The following C3orf33 variants were observed in gnomAD, a reference collection of about 807,000 sequenced individuals.
The protein encoded by C3orf33 is AP-1 activity suppressor.
C3orf33 carries 23 observed loss-of-function variants against 28.7 expected under a neutral mutation model. That is an observed-to-expected ratio of 0.80 (90% CI 0.58 to 1.13). The LOEUF (loss-of-function observed/expected upper bound fraction) is 1.13, where lower values mean the gene tolerates loss of function less well. Ranked by LOEUF, C3orf33 falls within the 50% of genes most tolerant of loss-of-function variation. C3orf33 has a pLI of 0.00. For synonymous variants in C3orf33, 119 were observed against 120.5 expected (o/e 0.99, Z 0.08); for missense variants, 327 against 353.4 (o/e 0.93, Z 0.60).
chr3:155,794,717 A>G (rs1446526038), intron 2 of C3orf33, among the ~76,000 whole-genome samples: 4 of 152,182 alleles, frequency 2.6e-5, no homozygotes, highest in Non-Finnish European at 5.9e-5. Context: ...GAAACTGCAG[A>G]AGAGCAGCAG....
intron 2 of C3orf33, among the ~76,000 whole-genome samples, chr3:155,788,807 A>G (rs901654938): frequency 1.3e-5 from 2 of 152,208 alleles, no homozygotes; most frequent in Admixed American, 6.5e-5. Flanking sequence ...TCAACAGAGT[A>G]CTACTGGATG....
intron 3 of C3orf33, among the ~76,000 whole-genome samples, chr3:155,775,321 C>G (rs1015699484): frequency 2.5e-4 from 38 of 152,210 alleles, no homozygotes; most frequent in African/African-American, 8.7e-4. Flanking sequence ...GAAACCCCAT[C>G]TCTACTAAAA....
At chr3:155,780,397 T>C (rs1346513956) in intron 2 of C3orf33, among the ~76,000 whole-genome samples, 5 of 152,246 alleles carry the variant, frequency 3.3e-5, no homozygotes, top group Admixed American at 3.3e-4. Flanking sequence ...TTGTGAAAAT[T>C]GTTTACCTCC....
At chr3:155,786,865 G>A (rs572821418) in intron 2 of C3orf33, among the ~76,000 whole-genome samples, 5 of 152,172 alleles carry the variant, frequency 3.3e-5, no homozygotes, top group African/African-American at 1.2e-4. Context: ...TTCCAGGATG[G>A]AATCATGAAG....
rs180836287 is a variant in C3orf33, at chr3:155,780,995, T to C, written c.175-5147A>G. Among the ~76,000 whole-genome samples the C allele has an allele frequency of 6.4e-3, 950 of 149,324 alleles. 9 individuals are homozygous for C. Among genetic ancestry groups the C allele is most frequent in the Non-Finnish European group, 9.6e-3 (648 of 67,492 alleles). On this transcript the variant is annotated intron_variant, in intron 2 of 4. Coordinates refer to ENST00000340171, the MANE Select transcript of C3orf33 (RefSeq NM_001308229.2). Reference sequence around the variant, plus strand: ...CCAGCAGCCTACCTCTAGACTTCTTTTTTTTTTTTTTTTGAGACGGAGTCT... The same window carrying C: ...CCAGCAGCCTACCTCTAGACTTCTTCTTTTTTTTTTTTTGAGACGGAGTCT...
chr3:155,773,901 T>C lies in C3orf33; in HGVS notation c.322+1800A>G, dbSNP rs78856409. 9.0e-3 allele frequency among the ~76,000 whole-genome samples: 1,367 copies of C among 152,304 alleles called. 34 individuals are homozygous for C. The highest frequency in any genetic ancestry group is 0.07 in the South Asian group (338 of 4,828). ...AAAGGCCATCCTTGGTAATCTCTCTTCAGGGAGCAACACTCATTAAAACTG... is the reference window on the plus strand; with the variant it reads ...AAAGGCCATCCTTGGTAATCTCTCTCCAGGGAGCAACACTCATTAAAACTG... On this transcript the variant is annotated intron_variant, in intron 3 of 4. Coordinates refer to ENST00000340171, the MANE Select transcript of C3orf33 (RefSeq NM_001308229.2).
intron 2 of C3orf33, among the ~76,000 whole-genome samples, chr3:155,796,161 C>T (rs1577436060): frequency 6.6e-6 from 1 of 151,530 alleles, no homozygotes; most frequent in African/African-American, 2.4e-5. Flanking sequence ...AAGATTGGAG[C>T]AAAAATAAAT....
intron 1 of C3orf33, chr3:155,805,678 TCGTG>T: frequency 2.2e-6 from 1 of 455,562 alleles, no homozygotes; most frequent in Non-Finnish European, 4.4e-6. Flanking sequence ...TGAGCTATGA[TCGTG>T]CCACTGCACT....
intron 1 of C3orf33, chr3:155,805,839 A>G: frequency 2.0e-6 from 1 of 503,498 alleles, no homozygotes; most frequent in Non-Finnish European, 3.6e-6. Flanking sequence ...GCTCTAATGG[A>G]CCAGGTGGCA....
At chr3:155,769,618 T>C (rs1750521226) in intron 3 of C3orf33, among the ~76,000 whole-genome samples, 1 of 152,136 alleles carries the variant, frequency 6.6e-6, no homozygotes. Flanking sequence ...TTATGTCAAA[T>C]CATTAGTACA....
chr3:155,763,559 G>A lies in C3orf33; in HGVS notation c.843C>T (p.Phe281=). Residue 281 remains phenylalanine (F), a synonymous_variant, in exon 5 of 5, where the codon TTC becomes TTT. Coordinates refer to ENST00000340171, the MANE Select transcript of C3orf33 (RefSeq NM_001308229.2). ...AGTTTATGCGACTTATAAGTTCTCT[G>A]AACTTCAGTATTAAGGAGCAGTTGT... ...NMNNCSLILK[F]RELISRINFR... is the part of the protein sequence containing the mutation. 6.5e-7 allele frequency: 1 copy of A among 1,544,576 alleles called. No individual in the cohort carries two copies. The highest frequency in any genetic ancestry group is 1.3e-5 in the South Asian group (1 of 77,920).
At chr3:155,790,564 A>G (rs1751283757) in intron 2 of C3orf33, among the ~76,000 whole-genome samples, 1 of 152,214 alleles carries the variant, frequency 6.6e-6, no homozygotes, top group South Asian at 2.1e-4. Context: ...AACACTGAAT[A>G]GAACAGAAAA....
rs770372441 is a variant in C3orf33 at position 155,763,674 on chromosome 3, A to T, written c.728T>A (p.Leu243Ter). ...WREIWKKDSFLKTTGSDFSLK... is the reference protein window; with the variant it reads ...WREIWKKDSF ...GCTGAAATCTGATCCTGTTGTTTTT[A>T]AAAAACTGTCCTTTTTCCATATTTC... Residue 243 changes from leucine to a stop codon, truncating the protein, a stop_gained, in exon 5 of 5, where the codon TTA becomes TAA. Coordinates refer to ENST00000340171, the MANE Select transcript of C3orf33 (RefSeq NM_001308229.2). LOFTEE classifies it high-confidence loss of function. 6.3e-6 allele frequency: 10 copies of T among 1,594,642 alleles called. No homozygotes were observed. The highest frequency in any genetic ancestry group is 2.3e-5 in the South Asian group (2 of 85,512).
At chr3:155,763,961 G>T (rs766658152) in intron 4 of C3orf33, 43 bp from the exon 5 acceptor site, 3 of 1,275,942 alleles carry the variant, frequency 2.4e-6, no homozygotes, top group Non-Finnish European at 2.0e-6. Flanking sequence ...TAAGATAATT[G>T]TTGTTATACC....
chr3:155,785,771 G>A (rs1300616553), intron 2 of C3orf33, among the ~76,000 whole-genome samples: 1 of 152,150 alleles, frequency 6.6e-6, no homozygotes, highest in Non-Finnish European at 1.5e-5. Context: ...AGATGCAGTG[G>A]CTCATGCCTG....
intron 2 of C3orf33, among the ~76,000 whole-genome samples, chr3:155,787,078 T>C (rs1751142508): frequency 6.6e-6 from 1 of 152,182 alleles, no homozygotes; most frequent in East Asian, 1.9e-4. Flanking sequence ...ACTCAGTCTA[T>C]GAGGCCAGCA....
chr3:155,781,593 C>A (rs921777228), intron 2 of C3orf33, among the ~76,000 whole-genome samples: 7 of 151,326 alleles, frequency 4.6e-5, no homozygotes, highest in African/African-American at 1.7e-4. Flanking sequence ...CACGGTGAAA[C>A]CCCATCTCTA....
At chr3:155,804,233 T>C in intron 1 of C3orf33, 1 of 380,368 alleles carries the variant, frequency 2.6e-6, no homozygotes, top group South Asian at 1.9e-5. Context: ...ATACTCTGGG[T>C]TCTGTGATTG....
intron 2 of C3orf33, among the ~76,000 whole-genome samples, chr3:155,787,120 T>C (rs1001023809): frequency 6.6e-6 from 1 of 152,170 alleles, no homozygotes; most frequent in Admixed American, 6.6e-5. Flanking sequence ...ACAAAGACAC[T>C]GCAAGAAAAC....
Sources: allele counts gnomAD v4.1 joint callset (sites outside exome capture counted in the v4.1 genomes callset), GRCh38; gene constraint gnomAD v4.1.1; transcripts MANE v1.5; gene names NCBI Gene and HGNC (gene_info 2026-07-23, HGNC 2026-07-21).